Variants in HEATR5A observed in about 807,000 individuals in gnomAD.
HEATR5A encodes HEAT repeat-containing protein 5A.
A neutral mutation model predicts 218.8 loss-of-function variants in HEATR5A; 178 were observed. The observed-to-expected ratio is 0.81, with a 90% CI of 0.72 to 0.92. The LOEUF is 0.92. Ranked by LOEUF, HEATR5A falls within the 40% of genes least tolerant of loss-of-function variation. HEATR5A has a pLI of 0.00. For synonymous variants in HEATR5A, 864 were observed against 871.6 expected, an observed-to-expected ratio of 0.99 and a Z score of 0.15; for missense variants, 2,420 against 2,418.9, an observed-to-expected ratio of 1.00 and a Z score of -0.01.
chr14:31,388,724 T>C, intron 7 of HEATR5A, 121 bp downstream of exon 7: 4 of 695,660 alleles, frequency 5.7e-6, no homozygotes, highest in South Asian at 2.7e-5. Flanking sequence ...TTTATATCTA[T>C]TTATAGATAT....
rs1050567367 is a variant in HEATR5A at position 31,402,882 on chromosome 14, A to G, written c.94T>C (p.Tyr32His). 3 of 1,536,484 alleles carry G rather than the reference A, an allele frequency of 2.0e-6. No individual in the cohort carries two copies. In the African/African-American group the frequency reaches 4.1e-5, roughly 21 times the overall value. Reference sequence around the variant, plus strand: ...GTTGCCAACAAGAGCTTCTCCAAGTATCTCAACCACTCAAAAATAAACTCT... The same window carrying G: ...GTTGCCAACAAGAGCTTCTCCAAGTGTCTCAACCACTCAAAAATAAACTCT... ...KAEFIFEWLR[Y>H]LEKLLLATSR... The change falls in exon 2 of 36, where the codon TAC becomes CAC. Residue 32 changes from tyrosine (Y) to histidine (H), a missense_variant. Physicochemically the swap from Tyr to His is moderately conservative, Grantham distance 83 (BLOSUM62 2). Transcript: ENST00000543095.
intron 18 of HEATR5A, 109 bp downstream of exon 18, chr14:31,349,680 T>C: frequency 1.4e-6 from 1 of 720,200 alleles, no homozygotes; most frequent in Non-Finnish European, 2.2e-6. Flanking sequence ...ACAATTTTTC[T>C]TTTCTTAGTT....
intron 24 of HEATR5A, among the ~76,000 whole-genome samples, chr14:31,322,520 T>C (rs925962558): frequency 6.6e-6 from 1 of 152,068 alleles, no homozygotes; most frequent in African/African-American, 2.4e-5. Flanking sequence ...TCTAAGGAAT[T>C]TAGAAATATG....
chr14:31,310,040 C>T (rs11624467), intron 28 of HEATR5A, among the ~76,000 whole-genome samples: 7 of 151,996 alleles, frequency 4.6e-5, no homozygotes, highest in African/African-American at 1.7e-4. Flanking sequence ...GTTAATACCA[C>T]TAATTCTTGC....
In HEATR5A at chr14:31,416,708, T is replaced by A. The variant is rs192565019; in HGVS notation, c.-75+3764A>T. Among the ~76,000 whole-genome samples the A allele has an allele frequency of 1.3e-3, 192 of 152,262 alleles. 2 individuals are homozygous for A. Among genetic ancestry groups the A allele is most frequent in the Non-Finnish European group, 2.6e-4 (18 of 68,012 alleles). ...TAAAGAGTGCTAACTTTCCATTTGG[T>A]TCTCACTGTAAATATGTCTGATTTC... On this transcript the variant is annotated intron_variant, in intron 1 of 35. Coordinates refer to ENST00000543095, the MANE Select transcript of HEATR5A (RefSeq NM_015473.4).
intron 10 of HEATR5A, among the ~76,000 whole-genome samples, chr14:31,381,458 G>T (rs539585904): frequency 2.9e-4 from 43 of 150,598 alleles, no homozygotes; most frequent in African/African-American, 9.8e-4. Context: ...CAAGGTGGGA[G>T]GACCAATTGA....
chr14:31,376,883 G>C (rs1263578591), intron 11 of HEATR5A, among the ~76,000 whole-genome samples: 1 of 152,142 alleles, frequency 6.6e-6, no homozygotes, highest in Non-Finnish European at 1.5e-5. Flanking sequence ...CAAGCACTTT[G>C]GAAGGGCAAG....
chr14:31,393,563 C>T (rs1244185957), intron 6 of HEATR5A, among the ~76,000 whole-genome samples: 5 of 152,202 alleles, frequency 3.3e-5, no homozygotes, highest in Admixed American at 6.5e-5. Context: ...AAGTACACCA[C>T]ACTTCAAGAG....
chr14:31,328,811 C>T (rs1286189777), intron 22 of HEATR5A, among the ~76,000 whole-genome samples: 1 of 150,886 alleles, frequency 6.6e-6, no homozygotes, highest in African/African-American at 2.4e-5. Flanking sequence ...ACCCAGGAGG[C>T]GGAGCTTGCA....
chr14:31,345,097 T>C lies in HEATR5A; in HGVS notation c.3048A>G (p.Pro1016=). Residue 1016 remains proline (P), a synonymous_variant, in exon 20 of 36, where the codon CCA becomes CCG. Transcript: ENST00000543095. ...AGCAGCTATGCACACCTTGTAGCTCTGGACCTAACGTGGTAATAAGGGCAT... is the reference window on the plus strand; with the variant it reads ...AGCAGCTATGCACACCTTGTAGCTCCGGACCTAACGTGGTAATAAGGGCAT... ...CLNALITTLG[P]ELQGNSTSIS... is the part of the protein sequence containing the mutation. The C allele has an allele frequency of 6.2e-7, 1 of 1,612,492 alleles. No individual in the cohort carries two copies.
At chr14:31,348,033 AT>A in intron 18 of HEATR5A, 126 bp from the exon 19 acceptor site, 1 of 514,748 alleles carries the variant, frequency 1.9e-6, no homozygotes, top group Non-Finnish European at 3.2e-6. Flanking sequence ...TTAGAAATAC[AT>A]TTTTGGCTAA....
At chr14:31,316,319 A>G (rs992241895) in intron 26 of HEATR5A, among the ~76,000 whole-genome samples, 3 of 136,090 alleles carry the variant, frequency 2.2e-5, no homozygotes, top group African/African-American at 7.6e-5. Flanking sequence ...AAAAAAGCCC[A>G]TCTCTTAAAA....
chr14:31,371,589 A>C (rs1902039490), intron 13 of HEATR5A: 1 of 335,608 alleles, frequency 3.0e-6, no homozygotes, highest in Non-Finnish European at 5.4e-6. Context: ...ATTTCTTGTT[A>C]AATCTGCCTG....
chr14:31,342,024 G>T (rs1334889218), intron 21 of HEATR5A, among the ~76,000 whole-genome samples: 1 of 152,106 alleles, frequency 6.6e-6, no homozygotes. Context: ...CCTAATACAT[G>T]ATTGACCCAG....
At chr14:31,419,038 T>C (rs1445232343) in intron 1 of HEATR5A, among the ~76,000 whole-genome samples, 1 of 152,192 alleles carries the variant, frequency 6.6e-6, no homozygotes, top group Non-Finnish European at 1.5e-5. Context: ...TTTCTGTGAC[T>C]AAAGTCAGAT....
At chr14:31,356,693 T>C (rs1036433469) in intron 16 of HEATR5A, among the ~76,000 whole-genome samples, 1 of 152,286 alleles carries the variant, frequency 6.6e-6, no homozygotes, top group East Asian at 1.9e-4. Flanking sequence ...TATTATAACT[T>C]AGGTGGGGAT....
chr14:31,413,859 A>C (rs191075197), intron 1 of HEATR5A, among the ~76,000 whole-genome samples: 150 of 152,338 alleles, frequency 9.8e-4, no homozygotes, highest in Middle Eastern at 3.4e-3. Flanking sequence ...TAGTCTCTAC[A>C]GTAATCACTG....
At position 31,388,963 on chromosome 14, in the gene HEATR5A, AC is replaced by A; in HGVS notation, c.814del (p.Val272PhefsTer5). 1 of 1,613,710 alleles carries A rather than the reference AC, an allele frequency of 6.2e-7. No individual in the cohort carries two copies. The highest frequency in any genetic ancestry group is 8.5e-7 in the Non-Finnish European group (1 of 1,179,704). On this transcript the variant is annotated frameshift_variant, in exon 7 of 36. Transcript: ENST00000543095. LOFTEE classifies it high-confidence loss of function. ...QSIRRVSLEE[V>X]LELLGTGFLR... Reference sequence around the variant, plus strand: ...AAACCCTGTTCCTAGTAATTCCAGAACTTCCTCCAAAGATACTCTGCGAATG... The same window carrying A: ...AAACCCTGTTCCTAGTAATTCCAGAATTCCTCCAAAGATACTCTGCGAATG...
rs1237792011 is a variant in HEATR5A at position 31,382,687 on chromosome 14, T to C, written c.1596+834A>G. On this transcript the variant is annotated intron_variant, in intron 10 of 35. Coordinates refer to ENST00000543095, the MANE Select transcript of HEATR5A (RefSeq NM_015473.4). The stretch of plus-strand genomic sequence containing the variant: ...GGTTTGTGTCATTTATTTGTCTGAT[T>C]CTAAATTTACTCAGAAAATGACATT... Among the ~76,000 whole-genome samples the C allele has an allele frequency of 3.0e-4, 46 of 151,710 alleles. 2 individuals carry two copies. The highest frequency in any genetic ancestry group is 2.9e-3 in the Admixed American group (44 of 15,134).
Sources: allele counts gnomAD v4.1 joint callset (sites outside exome capture counted in the v4.1 genomes callset), GRCh38; gene constraint gnomAD v4.1.1; transcripts MANE v1.5; gene names NCBI Gene and HGNC (gene_info 2026-07-23, HGNC 2026-07-21).